GRM5: variants seen among roughly 807,000 people sequenced by gnomAD.
GRM5 encodes metabotropic glutamate receptor 5.
A neutral mutation model predicts 83.1 loss-of-function variants in GRM5; 19 were observed. That is an observed-to-expected ratio of 0.23 (90% CI 0.16 to 0.34). GRM5 has a LOEUF of 0.34. GRM5 is among the 10% of genes least tolerant of loss of function. GRM5 has a pLI of 1.00. For missense variants in GRM5, 1,160 were observed against 1,588.3 expected, an observed-to-expected ratio of 0.73 and a Z score of 4.58; for synonymous variants, 675 against 633.6, an observed-to-expected ratio of 1.07 and a Z score of -0.98.
intron 4 of GRM5, among the ~76,000 whole-genome samples, chr11:88,607,256 C>T (rs1938179491): frequency 6.6e-6 from 1 of 152,220 alleles, no homozygotes; most frequent in Non-Finnish European, 1.5e-5. Flanking sequence ...CCTCACACTG[C>T]TGGAAATTCC....
At chr11:88,546,914 G>A (rs1942396650) in intron 8 of GRM5, among the ~76,000 whole-genome samples, 1 of 152,032 alleles carries the variant, frequency 6.6e-6, no homozygotes, top group African/African-American at 2.4e-5. Flanking sequence ...TGCCAGTAGT[G>A]TATTTTTCAA....
intron 2 of GRM5, among the ~76,000 whole-genome samples, chr11:88,899,498 CA>C (rs1945284472): frequency 6.6e-6 from 1 of 151,906 alleles, no homozygotes; most frequent in South Asian, 2.1e-4. Context: ...GAACTGAGAA[CA>C]GTAATTTTAA....
At position 88,633,153 on chromosome 11, in the gene GRM5, C is replaced by T. The variant is rs1458217592; in HGVS notation, c.1147+20015G>A. 4.6e-5 allele frequency among the ~76,000 whole-genome samples: 7 copies of T among 152,102 alleles called. No homozygotes were observed. In the East Asian group the frequency reaches 9.6e-4, roughly 21 times the overall value. On this transcript the variant is annotated intron_variant, in intron 4 of 9. Transcript: ENST00000305447. ...AGATACCACTATGCACTTATTGGGT[C>T]ATGTATCCTGTAAACACATAAACCA...
intron 4 of GRM5, among the ~76,000 whole-genome samples, chr11:88,650,555 G>A (rs925843110): frequency 6.6e-6 from 1 of 151,944 alleles, no homozygotes; most frequent in Non-Finnish European, 1.5e-5. Flanking sequence ...TAACAAGGGT[G>A]TGGAAAAACT....
chr11:88,782,818 G>T, intron 3 of GRM5, among the ~76,000 whole-genome samples: 1 of 152,014 alleles, frequency 6.6e-6, no homozygotes, highest in East Asian at 1.9e-4. Flanking sequence ...GGTTTCAGAG[G>T]AAACATCAAT....
At chr11:88,573,445 GGA>G (rs1322673160) in intron 7 of GRM5, among the ~76,000 whole-genome samples, 1 of 152,068 alleles carries the variant, frequency 6.6e-6, no homozygotes, top group Non-Finnish European at 1.5e-5. Flanking sequence ...GTCTCTTCAG[GGA>G]GAGATGCCTG....
chr11:88,789,731 G>T (rs946494253), intron 3 of GRM5, among the ~76,000 whole-genome samples: 6 of 152,152 alleles, frequency 3.9e-5, no homozygotes, highest in Admixed American at 1.3e-4. Context: ...AAGTTAACCA[G>T]TCCAAATGAC....
intron 3 of GRM5, among the ~76,000 whole-genome samples, chr11:88,772,326 G>A (rs992944740): frequency 2.0e-5 from 3 of 151,852 alleles, no homozygotes; most frequent in Admixed American, 6.6e-5. Flanking sequence ...GCTCTTAACC[G>A]TTTTCTTTGC....
chr11:88,607,606 T>G (rs1938192459), intron 4 of GRM5, among the ~76,000 whole-genome samples: 1 of 152,216 alleles, frequency 6.6e-6, no homozygotes, highest in Non-Finnish European at 1.5e-5. Flanking sequence ...CCAAAGTCCT[T>G]GCAATGGCCT....
intron 2 of GRM5, among the ~76,000 whole-genome samples, chr11:88,964,026 T>C (rs528854280): frequency 1.3e-5 from 2 of 152,260 alleles, no homozygotes; most frequent in South Asian, 2.1e-4. Context: ...TTGGAGACTC[T>C]ACAGATCAGT....
intron 4 of GRM5, among the ~76,000 whole-genome samples, chr11:88,622,536 T>A (rs1938666456): frequency 6.6e-6 from 1 of 152,180 alleles, no homozygotes; most frequent in Non-Finnish European, 1.5e-5. Flanking sequence ...TCAATTCCTT[T>A]GATTTATGGG....
At chr11:88,636,929 G>C (rs1440272037) in intron 4 of GRM5, among the ~76,000 whole-genome samples, 29 of 152,196 alleles carry the variant, frequency 1.9e-4, no homozygotes, top group Admixed American at 1.5e-3. Context: ...TTTGGTACCA[G>C]TACCGTGCTG....
chr11:88,744,210 T>C (rs1026427902), intron 3 of GRM5, among the ~76,000 whole-genome samples: 1 of 152,106 alleles, frequency 6.6e-6, no homozygotes, highest in Non-Finnish European at 1.5e-5. Flanking sequence ...TTACATTAAG[T>C]ATTTTCAAGT....
chr11:88,986,468 T>C (rs1401916818), intron 2 of GRM5, among the ~76,000 whole-genome samples: 3 of 152,156 alleles, frequency 2.0e-5, no homozygotes, highest in Admixed American at 2.0e-4. Flanking sequence ...ACTATAATTT[T>C]GCATTTGTAT....
chr11:88,755,304 T>TG (rs1019801469), intron 3 of GRM5, among the ~76,000 whole-genome samples: 2 of 152,034 alleles, frequency 1.3e-5, no homozygotes, highest in East Asian at 3.9e-4. Flanking sequence ...ATATCTGAAA[T>TG]GGGAAAAAAC....
chr11:88,625,598 T>C (rs1280824931), intron 4 of GRM5, among the ~76,000 whole-genome samples: 1 of 152,060 alleles, frequency 6.6e-6, no homozygotes, highest in African/African-American at 2.4e-5. Context: ...ACTCTTAAGA[T>C]GTTGTAACCT....
At chr11:88,944,245 G>C (rs916255326) in intron 2 of GRM5, among the ~76,000 whole-genome samples, 1 of 151,956 alleles carries the variant, frequency 6.6e-6, no homozygotes, top group Non-Finnish European at 1.5e-5. Flanking sequence ...AATTTCCTAT[G>C]ACAAACTAAG....
chr11:88,554,011 T>A (rs980991068), intron 8 of GRM5, among the ~76,000 whole-genome samples: 22 of 152,172 alleles, frequency 1.4e-4, no homozygotes, highest in African/African-American at 5.1e-4. Context: ...TTTCTATTGC[T>A]GCTTTAAAAG....
intron 3 of GRM5, among the ~76,000 whole-genome samples, chr11:88,774,074 CT>C (rs1306438371): frequency 2.6e-5 from 4 of 152,148 alleles, no homozygotes; most frequent in Non-Finnish European, 4.4e-5. Flanking sequence ...TTGATTTTTC[CT>C]ATCCATGAGC....
Sources: allele counts gnomAD v4.1 joint callset (sites outside exome capture counted in the v4.1 genomes callset), GRCh38; gene constraint gnomAD v4.1.1; transcripts MANE v1.5; gene names NCBI Gene and HGNC (gene_info 2026-07-23, HGNC 2026-07-21).